The following COX15 variants were observed in gnomAD, a reference collection of about 807,000 sequenced individuals.
COX15 encodes the protein cytochrome c oxidase assembly factor COX15, also known as heme A synthase COX15.
Under a neutral mutation model 51.9 loss-of-function variants are expected in COX15, and 51 were observed. The observed-to-expected ratio is 0.98, with a 90% CI of 0.78 to 1.24. COX15 has a LOEUF of 1.24. Among genes scored for constraint, COX15 ranks in the 50% most tolerant of loss-of-function variants. COX15 has a pLI of 0.00. For missense variants in COX15, 420 were observed against 501.1 expected (o/e 0.84, Z 1.55); for synonymous variants, 188 against 190.5 (o/e 0.99, Z 0.11).
chr10:99,730,871 G>T (rs1260951607), intron 1 of COX15, among the ~76,000 whole-genome samples: 1 of 152,148 alleles, frequency 6.6e-6, no homozygotes, highest in African/African-American at 2.4e-5. Flanking sequence ...GACCAGCCTG[G>T]GCAATGTAGC....
the COX15 span, chr10:99,696,070 G>C: frequency 1.2e-6 from 2 of 1,614,180 alleles, no homozygotes; most frequent in South Asian, 2.2e-5. Context: ...AGGCAACTTT[G>C]CCCGGCAGCG....
rs778052441 is a variant in COX15 at position 99,716,344 on chromosome 10, A to G, written c.1101+4T>C. On this transcript the variant is annotated splice_donor_region_variant and intron_variant, in intron 8 of 8. Coordinates refer to ENST00000016171, the MANE Select transcript of COX15 (RefSeq NM_078470.6). Reference sequence around the variant, plus strand: ...CTGTCAGAACAAAAAGAAGTGGTTTATACCTGTGTATACGCCAAAGCCAGC... The same window carrying G: ...CTGTCAGAACAAAAAGAAGTGGTTTGTACCTGTGTATACGCCAAAGCCAGC... The G allele has an allele frequency of 6.3e-7, 1 of 1,598,236 alleles. No homozygotes were observed. The highest frequency in any genetic ancestry group is 1.1e-5 in the South Asian group (1 of 90,714).
Position 99,724,013 on chromosome 10 carries a change from C to G in COX15, c.693G>C (p.Leu231=), listed in dbSNP as rs1042238551. 1.9e-6 allele frequency: 3 copies of G among 1,614,046 alleles called. No individual in the cohort carries two copies. Among genetic ancestry groups the G allele is most frequent in the Admixed American group, 1.7e-5 (1 of 59,996 alleles). ...TCCACAAGCTGGCACAATAAAGAACCAGGGCTGATCCCAGGTGGGCAGCAA... is the reference window on the plus strand; with the variant it reads ...TCCACAAGCTGGCACAATAAAGAACGAGGGCTGATCCCAGGTGGGCAGCAA... ...YRLAAHLGSA[L]VLYCASLWTS... The change falls in exon 5 of 9, where the codon CTG becomes CTC. Residue 231 remains leucine (L), a synonymous_variant. Transcript: ENST00000016171.
At chr10:99,702,703 T>G in the COX15 span, 1 of 1,579,544 alleles carries the variant, frequency 6.3e-7, no homozygotes, top group Non-Finnish European at 8.6e-7. Context: ...TCTGGTATCT[T>G]GAGCTCAGAG....
chr10:99,713,589 C>CA lies in COX15; in HGVS notation c.*997dup. On this transcript the variant is annotated 3_prime_UTR_variant, in exon 9 of 9. Coordinates refer to ENST00000016171, the MANE Select transcript of COX15 (RefSeq NM_078470.6). Reference sequence around the variant, plus strand: ...CATCAAGGCCATATTTTTCTTATTACAAAGCTGTTAGGAAACCCTCTCAGG... The same window carrying CA: ...CATCAAGGCCATATTTTTCTTATTACAAAAGCTGTTAGGAAACCCTCTCAGG... The CA allele has an allele frequency of 6.6e-7, 1 of 1,504,074 alleles. No individual in the cohort carries two copies. The highest frequency in any genetic ancestry group is 9.0e-7 in the Non-Finnish European group (1 of 1,116,300). 93.2% of individuals were successfully genotyped at this position (1,504,074 alleles called of 1,614,324 possible).
intron 1 of COX15, 109 bp downstream of exon 1, chr10:99,731,851 G>T: frequency 1.5e-6 from 2 of 1,378,642 alleles, no homozygotes; most frequent in Non-Finnish European, 2.0e-6. Context: ...CGTTGTGAGT[G>T]CACTGTAAGG....
chr10:99,700,939 T>C, the COX15 span: 1 of 1,580,402 alleles, frequency 6.3e-7, no homozygotes, highest in Non-Finnish European at 8.7e-7. Flanking sequence ...TGCCTCCAAA[T>C]TCATGTTGCA....
chr10:99,731,552 C>T lies in COX15; in HGVS notation c.90+408G>A, dbSNP rs142718633. 3.3e-5 allele frequency among the ~76,000 whole-genome samples: 5 copies of T among 152,188 alleles called. No individual in the cohort carries two copies. The East Asian group carries it at 9.6e-4, about 29-fold the overall frequency. ...CACCTTTAGAAAAGTAACTTTAAGC[C>T]TCAATTTCCTTCTCTGTAGGATGCA... On this transcript the variant is annotated intron_variant, in intron 1 of 8. Coordinates refer to ENST00000016171, the MANE Select transcript of COX15 (RefSeq NM_078470.6).
chr10:99,730,231 T>C (rs1036918562), intron 1 of COX15, among the ~76,000 whole-genome samples: 6 of 152,340 alleles, frequency 3.9e-5, no homozygotes, highest in Non-Finnish European at 8.8e-5. Flanking sequence ...GGGGCACATG[T>C]TCTGTGAAAT....
intron 3 of COX15, 50 bp from the exon 4 acceptor site, chr10:99,727,204 A>G (rs2133622392): frequency 6.3e-7 from 1 of 1,589,356 alleles, no homozygotes; most frequent in Non-Finnish European, 8.6e-7. Context: ...CATCCTTCTG[A>G]TTTTTATTTT....
intron 1 of COX15, among the ~76,000 whole-genome samples, chr10:99,730,134 C>G (rs1002496481): frequency 5.3e-5 from 8 of 152,342 alleles, no homozygotes; most frequent in African/African-American, 1.9e-4. Context: ...TTCCCAGGCT[C>G]TTCAAGGTCT....
chr10:99,721,093 G>A, intron 5 of COX15, 25 bp from the exon 6 acceptor site: 1 of 1,577,624 alleles, frequency 6.3e-7, no homozygotes, highest in Non-Finnish European at 8.7e-7. Flanking sequence ...AAATCATTCA[G>A]TTAAACTGTG....
chr10:99,711,471 A>G lies in COX15; in HGVS notation c.*3116T>C. Reference sequence around the variant, plus strand: ...TCCTACTAACATACTAATAGGAGCAACATAGCAGATCAAATGATAAGGTGG... The same window carrying G: ...TCCTACTAACATACTAATAGGAGCAGCATAGCAGATCAAATGATAAGGTGG... On this transcript the variant is annotated 3_prime_UTR_variant, in exon 9 of 9. Transcript: ENST00000016171. 1 of 985,238 alleles carries G rather than the reference A, an allele frequency of 1.0e-6. No homozygotes were observed. The highest frequency in any genetic ancestry group is 1.2e-6 in the Non-Finnish European group (1 of 829,750). The allele number at this position is 985,238 out of a possible 1,614,324, so 61.0% of individuals were successfully genotyped here.
the COX15 span, chr10:99,698,451 C>T: frequency 6.2e-5 from 83 of 1,338,396 alleles, no homozygotes; most frequent in African/African-American, 1.1e-3. Flanking sequence ...TAAGATATTT[C>T]TGATGCACAT....
the COX15 span, chr10:99,698,708 C>T: frequency 3.7e-6 from 6 of 1,614,078 alleles, no homozygotes; most frequent in Non-Finnish European, 5.1e-6. Context: ...GCTCCAACAC[C>T]AGCCAGGCCT....
rs368386864 is a variant in COX15, at chr10:99,713,475, G to C, written c.*1112C>G. The C allele has an allele frequency of 1.2e-6, 2 of 1,612,910 alleles. No individual in the cohort carries two copies. The highest frequency in any genetic ancestry group is 3.3e-5 in the Admixed American group (2 of 59,932). On this transcript the variant is annotated 3_prime_UTR_variant, in exon 9 of 9. Transcript: ENST00000016171. ...TTTAAAAGTAAAGTTGAATAAGACA[G>C]GGCCCTATGAAATATCAATAGAGAC...
At chr10:99,731,938 G>C (rs1411811764) in intron 1 of COX15, 22 bp downstream of exon 1, 3 of 1,599,210 alleles carry the variant, frequency 1.9e-6, no homozygotes, top group Admixed American at 3.5e-5. Context: ...CCCGCGACTC[G>C]GAGTCCGCTG....
At chr10:99,702,785 A>C in the COX15 span, 2 of 979,388 alleles carry the variant, frequency 2.0e-6, no homozygotes, top group Non-Finnish European at 2.8e-6. Flanking sequence ...GTCTTAAGTG[A>C]CCTTCCTCTC....
At chr10:99,731,552 C>G (rs142718633) in intron 1 of COX15, among the ~76,000 whole-genome samples, 1,970 of 152,184 alleles carry the variant, frequency 0.013, 47 homozygotes, top group African/African-American at 0.044. Context: ...AACTTTAAGC[C>G]TCAATTTCCT....
Sources: allele counts gnomAD v4.1 joint callset (sites outside exome capture counted in the v4.1 genomes callset), GRCh38; gene constraint gnomAD v4.1.1; transcripts MANE v1.5; gene names NCBI Gene and HGNC (gene_info 2026-07-23, HGNC 2026-07-21).